DNAH6: variants seen among roughly 807,000 people sequenced by gnomAD.
DNAH6 encodes the protein axonemal beta dynein heavy chain 6.
Under a neutral mutation model 491.4 loss-of-function variants are expected in DNAH6, and 340 were observed. The ratio of observed to expected loss-of-function variants is 0.69; its 90% CI spans 0.63 to 0.76. The LOEUF is 0.76. Among genes scored for constraint, DNAH6 ranks in the 30% least tolerant of loss-of-function variants. DNAH6 has a pLI of 0.00. For synonymous variants in DNAH6, 1,603 were observed against 1,686.1 expected (o/e 0.95, Z 1.21); for missense variants, 4,443 against 4,972.2 (o/e 0.89, Z 3.20).
chr2:84,483,664 T>G, the DNAH6 span, among the ~76,000 whole-genome samples: 1 of 152,102 alleles, frequency 6.6e-6, no homozygotes, highest in Non-Finnish European at 1.5e-5. Flanking sequence ...AGTTTATGGA[T>G]TTAATATAAA....
chr2:84,812,991 G>A (rs2105340715), intron 73 of DNAH6, 67 bp from the exon 74 acceptor site: 2 of 1,349,900 alleles, frequency 1.5e-6, no homozygotes, highest in East Asian at 2.5e-5. Flanking sequence ...CCCCAAATAG[G>A]ACTTTGCTTT....
the DNAH6 span, among the ~76,000 whole-genome samples, chr2:84,463,997 A>G: frequency 3.3e-3 from 506 of 152,212 alleles, 2 homozygotes; most frequent in African/African-American, 0.012. Flanking sequence ...CCCCCATTCT[A>G]CCAGAATGTC....
chr2:84,524,996 CCCAGTATATGA>C (rs1475881368), intron 2 of DNAH6, among the ~76,000 whole-genome samples: 1 of 151,872 alleles, frequency 6.6e-6, no homozygotes, highest in Non-Finnish European at 1.5e-5. Context: ...TTTTTCTTAT[CCCAGTATATGA>C]GAGACTAGCA....
intron 24 of DNAH6, among the ~76,000 whole-genome samples, chr2:84,620,495 A>G (rs969131071): frequency 2.0e-5 from 3 of 152,136 alleles, no homozygotes; most frequent in Non-Finnish European, 4.4e-5. Flanking sequence ...ACACATATGC[A>G]CACACACACA....
chr2:84,661,805 A>G (rs1380377933), intron 37 of DNAH6, among the ~76,000 whole-genome samples: 2 of 152,242 alleles, frequency 1.3e-5, no homozygotes, highest in African/African-American at 2.4e-5. Context: ...TCTAAAATTT[A>G]TATAAAAATG....
intron 63 of DNAH6, 102 bp from the exon 64 acceptor site, chr2:84,762,653 A>T (rs1465262012): frequency 3.8e-6 from 3 of 791,922 alleles, no homozygotes; most frequent in Non-Finnish European, 6.0e-6. Context: ...AATAAGTACA[A>T]AAACACAGGA....
At chr2:84,549,757 T>G in intron 8 of DNAH6, 132 bp from the exon 9 acceptor site, 2 of 657,904 alleles carry the variant, frequency 3.0e-6, no homozygotes, top group Non-Finnish European at 5.0e-6. Flanking sequence ...TCTGATATTG[T>G]AATATAATTA....
chr2:84,728,002 G>A (rs112741315), intron 61 of DNAH6, 100 bp downstream of exon 61: 7 of 757,680 alleles, frequency 9.2e-6, no homozygotes, highest in African/African-American at 6.9e-5. Flanking sequence ...ATGTGCTGTA[G>A]GATGGACCTG....
At chr2:84,745,011 C>T (rs1237699384) in intron 62 of DNAH6, 69 bp from the exon 63 acceptor site, 28 of 1,063,208 alleles carry the variant, frequency 2.6e-5, no homozygotes, top group Non-Finnish European at 3.7e-5. Flanking sequence ...TTTTAAATTA[C>T]CAAACATTAT....
chr2:84,815,894 G>A lies in DNAH6; in HGVS notation c.12184G>A (p.Gly4062Arg), dbSNP rs1219713069. 1 of 1,551,492 alleles carries A rather than the reference G, an allele frequency of 6.4e-7. No individual in the cohort carries two copies. Among genetic ancestry groups the A allele is most frequent in the Non-Finnish European group, 8.7e-7 (1 of 1,146,974 alleles). Residue 4062 changes from glycine (G) to arginine (R), a missense_variant, in exon 76 of 77, where the codon GGG (glycine) becomes AGG (arginine). Around this residue, in one of 3 missense-constraint regions of DNAH6, gnomAD observed 1,463 missense variants for 1,656.6 expected, o/e 0.88. Coordinates refer to ENST00000389394, the MANE Select transcript of DNAH6 (RefSeq NM_001370.2). The part of the protein sequence containing the change: ...PSPEDGVLVH[G>R]MFMDASRWDD... ...TCCTGAGGATGGTGTTCTTGTTCAT[G>A]GGATGTTCATGGATGCTTCTCGATG... is the stretch of plus-strand genomic sequence containing the variant.
intron 35 of DNAH6, among the ~76,000 whole-genome samples, chr2:84,655,623 G>T (rs923071423): frequency 6.6e-6 from 1 of 152,098 alleles, no homozygotes; most frequent in African/African-American, 2.4e-5. Context: ...TTGAGAGTTT[G>T]TCATTGGCTA....
the DNAH6 span, among the ~76,000 whole-genome samples, chr2:84,463,966 C>A: frequency 1.3e-5 from 2 of 152,140 alleles, no homozygotes; most frequent in Admixed American, 6.5e-5. Flanking sequence ...AGTTCTATAT[C>A]TTACCTTGAT....
chr2:84,492,682 C>T, the DNAH6 span, among the ~76,000 whole-genome samples: 1 of 152,214 alleles, frequency 6.6e-6, no homozygotes, highest in East Asian at 1.9e-4. Flanking sequence ...GCTCTTACAT[C>T]TATGGGAATA....
the DNAH6 span, among the ~76,000 whole-genome samples, chr2:84,484,346 TAGA>T: frequency 6.6e-6 from 1 of 152,194 alleles, no homozygotes; most frequent in African/African-American, 2.4e-5. Flanking sequence ...TGTACTCAAT[TAGA>T]AGAATAGGGT....
chr2:84,564,802 G>A (rs1478658003), intron 11 of DNAH6, among the ~76,000 whole-genome samples: 1 of 152,044 alleles, frequency 6.6e-6, no homozygotes, highest in Admixed American at 6.6e-5. Flanking sequence ...TTTTGCCCAT[G>A]CAGTATGATG....
chr2:84,797,422 C>G (rs1296904535), intron 69 of DNAH6, 115 bp from the exon 70 acceptor site: 1 of 966,352 alleles, frequency 1.0e-6, no homozygotes, highest in East Asian at 2.7e-5. Flanking sequence ...ATCCCCCTTT[C>G]TACATGAGCC....
chr2:84,633,425 G>A lies in DNAH6; in HGVS notation c.4516-1079G>A, dbSNP rs559895606. ...CCTGTTTAGTCTGCTTGGGGTGAGAGGAAGGGAGAACAGAGAGAGGAAGGA... is the reference window on the plus strand; with the variant it reads ...CCTGTTTAGTCTGCTTGGGGTGAGAAGAAGGGAGAACAGAGAGAGGAAGGA... On this transcript the variant is annotated intron_variant, in intron 29 of 76. Coordinates refer to ENST00000389394, the MANE Select transcript of DNAH6 (RefSeq NM_001370.2). Among the ~76,000 whole-genome samples the A allele has an allele frequency of 3.0e-4, 45 of 152,138 alleles. 1 individual carries two copies. The highest frequency in any genetic ancestry group is 6.2e-4 in the Non-Finnish European group (42 of 68,018).
chr2:84,636,287 C>T (rs575025314), intron 30 of DNAH6, among the ~76,000 whole-genome samples: 10 of 152,300 alleles, frequency 6.6e-5, no homozygotes, highest in Admixed American at 2.0e-4. Flanking sequence ...TCATCATTTC[C>T]GGAACATGCA....
intron 37 of DNAH6, among the ~76,000 whole-genome samples, chr2:84,660,635 A>C (rs575834715): frequency 3.5e-4 from 54 of 152,262 alleles, no homozygotes; most frequent in Non-Finnish European, 6.2e-4. Context: ...AAAAACTTGC[A>C]AACAGCACCT....
Sources: gnomAD v4.1 joint callset for allele counts (sites outside exome capture counted in the v4.1 genomes callset) on GRCh38, gnomAD v4.1.1 for gene constraint, gnomAD v4.1.1 regional missense constraint, MANE v1.5 for transcripts, NCBI Gene and HGNC (gene_info 2026-07-23, HGNC 2026-07-21) for gene names.